The following MYOF variants were observed in gnomAD, a reference collection of about 807,000 sequenced individuals.
MYOF encodes the protein myoferlin.
In MYOF, 244 loss-of-function variants were observed where a neutral mutation model predicts 284.2. That is an observed-to-expected ratio of 0.86 (90% confidence interval 0.77 to 0.95). The LOEUF is 0.95. MYOF is among the 40% of genes least tolerant of loss of function. The pLI, the probability that MYOF is intolerant of heterozygous loss-of-function variation, is 0.00. For synonymous variants in MYOF, 904 were observed against 919.7 expected (o/e 0.98, Z 0.31); for missense variants, 2,496 against 2,560.6 (o/e 0.97, Z 0.54).
chr10:93,307,309 T>A (rs1235105), intron 53 of MYOF, among the ~76,000 whole-genome samples: 42,898 of 151,672 alleles, frequency 0.28, 7,083 homozygotes, highest in Non-Finnish European at 0.39. Flanking sequence ...TTTTATTTTT[T>A]TTTTGAGATG....
At position 93,328,945 on chromosome 10, in the gene MYOF, A is replaced by G. The variant is rs746377367; in HGVS notation, c.4983-34T>C. ...AGCATCACGTGGCTCGGAGTTACGG[A>G]GGAGCCTGCAGGTTCTTCTCAGATT... is the stretch of plus-strand genomic sequence containing the variant. On this transcript the variant is annotated intron_variant, in intron 44 of 53. Transcript: ENST00000359263. 11 of 1,566,802 alleles carry G rather than the reference A, an allele frequency of 7.0e-6. No homozygotes were observed. The Admixed American group carries it at 1.7e-4, about 24-fold the overall frequency.
chr10:93,323,824 C>G (rs1301741341), intron 46 of MYOF: 2 of 157,790 alleles, frequency 1.3e-5, no homozygotes, highest in African/African-American at 4.8e-5. Flanking sequence ...TGACACCAAT[C>G]CCCATTTTGC....
chr10:93,395,830 C>T (rs925149190), intron 16 of MYOF, among the ~76,000 whole-genome samples: 2 of 151,308 alleles, frequency 1.3e-5, no homozygotes, highest in African/African-American at 4.9e-5. Flanking sequence ...TTTCATAAAA[C>T]CGCTATTGGG....
chr10:93,474,355 C>G (rs1362950696), intron 1 of MYOF, among the ~76,000 whole-genome samples: 1 of 152,194 alleles, frequency 6.6e-6, no homozygotes, highest in Non-Finnish European at 1.5e-5. Context: ...CTCTGGTCCT[C>G]CTGTACTGTT....
At chr10:93,462,428 G>A (rs2056906481) in intron 1 of MYOF, among the ~76,000 whole-genome samples, 1 of 152,036 alleles carries the variant, frequency 6.6e-6, no homozygotes, top group Admixed American at 6.6e-5. Context: ...TATGACGTAG[G>A]CACTGTTTTA....
chr10:93,421,104 G>T (rs887493995), intron 5 of MYOF, among the ~76,000 whole-genome samples: 7 of 152,158 alleles, frequency 4.6e-5, no homozygotes, highest in Non-Finnish European at 8.8e-5. Flanking sequence ...TGTAATACCA[G>T]CTACTCAGGT....
intron 26 of MYOF, 41 bp from the exon 27 acceptor site, chr10:93,364,116 G>A (rs776812308): frequency 1.3e-6 from 2 of 1,566,826 alleles, no homozygotes; most frequent in East Asian, 2.2e-5. Context: ...AGGAGACCGG[G>A]TAACCGGCAG....
chr10:93,361,461 C>A lies in MYOF; in HGVS notation c.2965G>T (p.Asp989Tyr). The change falls in exon 28 of 54, where the codon GAT (aspartate) becomes TAT (tyrosine). Residue 989 changes from aspartate (D) to tyrosine (Y), a missense_variant. This residue lies in a region of MYOF where 2,436 missense variants were observed against 2,480.7 expected (regional missense o/e 0.98). Coordinates refer to ENST00000359263, the MANE Select transcript of MYOF (RefSeq NM_013451.4). ...AGATGTACAATGTTACCTTTCTCAT[C>A]CACCGCTCGATTTATGTCATAAGAC... ...AWSYDINRAV[D>Y]EKGWEYGITI... The A allele has an allele frequency of 6.2e-7, 1 of 1,614,154 alleles. No individual in the cohort carries two copies. The highest frequency in any genetic ancestry group is 1.1e-5 in the South Asian group (1 of 91,078).
chr10:93,387,796 C>T lies in MYOF; in HGVS notation c.1698+1G>A. On this transcript the variant is annotated splice_donor_variant, in intron 19 of 53. Transcript: ENST00000359263. LOFTEE classifies it high-confidence loss of function. ...TGCATTACTCACACTTTAACATTTA[C>T]CTCAACAACCAGCAGGTCATCATTT... is the stretch of plus-strand genomic sequence containing the variant. 6.2e-7 allele frequency: 1 copy of T among 1,612,172 alleles called. No homozygotes were observed. The highest frequency in any genetic ancestry group is 8.5e-7 in the Non-Finnish European group (1 of 1,178,218).
At chr10:93,343,955 A>C in intron 37 of MYOF, 23 bp from the exon 38 acceptor site, 4 of 1,613,512 alleles carry the variant, frequency 2.5e-6, no homozygotes, top group Non-Finnish European at 3.4e-6. Flanking sequence ...TACTTTCTTA[A>C]TCTAAGATAC....
chr10:93,354,456 G>T (rs1844689982), intron 31 of MYOF, among the ~76,000 whole-genome samples: 2 of 152,190 alleles, frequency 1.3e-5, no homozygotes, highest in South Asian at 4.2e-4. Flanking sequence ...CATTACCTTT[G>T]TTATAAACTA....
chr10:93,372,803 G>C lies in MYOF; in HGVS notation c.2457+127C>G, dbSNP rs1019230602. Reference sequence around the variant, plus strand: ...TTATTGCCCCAGAGAGAGGGACCAGGATGGGCTAGAATTGATCCCAATCAC... The same window carrying C: ...TTATTGCCCCAGAGAGAGGGACCAGCATGGGCTAGAATTGATCCCAATCAC... On this transcript the variant is annotated intron_variant, in intron 24 of 53. Transcript: ENST00000359263. 41 of 1,141,768 alleles carry C rather than the reference G, an allele frequency of 3.6e-5. No individual in the cohort carries two copies. In the African/African-American group the frequency reaches 4.3e-4, roughly 12 times the overall value. 70.7% of individuals were successfully genotyped at this position (1,141,768 alleles called of 1,614,324 possible). A position where few individuals can be genotyped will look rare whatever the true frequency, so the allele number is the denominator to read the frequency against.
chr10:93,335,600 A>G (rs971075786), intron 41 of MYOF, among the ~76,000 whole-genome samples: 1 of 135,260 alleles, frequency 7.4e-6, no homozygotes, highest in African/African-American at 2.6e-5. Context: ...GTGAGCAGGG[A>G]GGCAGGAAGA....
chr10:93,405,870 T>C (rs1433675456), intron 7 of MYOF, among the ~76,000 whole-genome samples: 1 of 148,954 alleles, frequency 6.7e-6, no homozygotes, highest in Non-Finnish European at 1.5e-5. Flanking sequence ...CGATCTTGGC[T>C]CACTGTAACC....
intron 49 of MYOF, among the ~76,000 whole-genome samples, chr10:93,319,522 G>C (rs1384264592): frequency 1.3e-5 from 2 of 152,092 alleles, no homozygotes; most frequent in African/African-American, 4.8e-5. Context: ...GCCTCTGCTT[G>C]ACTCTGCCTA....
intron 13 of MYOF, among the ~76,000 whole-genome samples, chr10:93,398,749 A>G (rs576735343): frequency 6.6e-6 from 1 of 152,322 alleles, no homozygotes; most frequent in Non-Finnish European, 1.5e-5. Flanking sequence ...TCTTGCTTTC[A>G]TAATTATATG....
chr10:93,382,625 T>C (rs566795946), intron 19 of MYOF, among the ~76,000 whole-genome samples: 2 of 152,302 alleles, frequency 1.3e-5, no homozygotes, highest in Admixed American at 1.3e-4. Context: ...AAGCCTTCCT[T>C]CATGGGCACA....
chr10:93,378,691 G>GTATATA (rs1375868034), intron 21 of MYOF, among the ~76,000 whole-genome samples: 1 of 42,254 alleles, frequency 2.4e-5, no homozygotes, highest in Non-Finnish European at 4.5e-5. Flanking sequence ...ATGTGTGTGT[G>GTATATA]TGTATATATA....
chr10:93,424,971 C>G (rs1005526394), intron 5 of MYOF, among the ~76,000 whole-genome samples: 2 of 109,934 alleles, frequency 1.8e-5, no homozygotes, highest in African/African-American at 3.3e-5. Context: ...CGGAGTTTCA[C>G]TCTGTTGCCC....
Sources: gnomAD v4.1 joint callset for allele counts (sites outside exome capture counted in the v4.1 genomes callset) on GRCh38, gnomAD v4.1.1 for gene constraint, gnomAD v4.1.1 regional missense constraint, MANE v1.5 for transcripts, NCBI Gene and HGNC (gene_info 2026-07-23, HGNC 2026-07-21) for gene names.